SNRNP200: variants seen among roughly 807,000 people sequenced by gnomAD.
SNRNP200 encodes the protein small nuclear ribonucleoprotein U5 subunit 200, also known as U5 small nuclear ribonucleoprotein 200 kDa helicase.
A neutral mutation model predicts 255.2 loss-of-function variants in SNRNP200; 66 were observed. The observed-to-expected ratio is 0.26, with a 90% CI of 0.21 to 0.32. The LOEUF is 0.32. Among genes scored for constraint, SNRNP200 ranks in the 10% least tolerant of loss-of-function variants. The probability of loss-of-function intolerance (pLI) is 1.00; values close to 1 mark genes in which losing one functional copy is unlikely to be tolerated. For missense variants in SNRNP200, 1,585 were observed against 2,749.8 expected, an observed-to-expected ratio of 0.58 and a Z score of 9.47; for synonymous variants, 939 against 1,027.8, an observed-to-expected ratio of 0.91 and a Z score of 1.65.
At position 96,296,623 on chromosome 2, in the gene SNRNP200, G is replaced by A. The variant is rs774926894; in HGVS notation, c.1584C>T (p.Asp528=). ...TGAAGTCATCCACATTGATGGTGCC[G>A]TCCATGTTTATGTGTTTCCCAATCT... ...LREIGKHINM[D]GTINVDDFKI... The change falls in exon 13 of 45, where the codon GAC becomes GAT. Residue 528 remains aspartate (D), a synonymous_variant. Coordinates refer to ENST00000323853, the MANE Select transcript of SNRNP200 (RefSeq NM_014014.5). 9 of 1,614,010 alleles carry A rather than the reference G, an allele frequency of 5.6e-6. 1 individual carries two copies. The highest frequency in any genetic ancestry group is 2.2e-5 in the East Asian group (1 of 44,886).
intron 30 of SNRNP200, chr2:96,284,941 G>T: frequency 1.7e-6 from 1 of 585,042 alleles, no homozygotes; most frequent in Non-Finnish European, 3.1e-6. Context: ...GTAGAGACAG[G>T]GTTTCACCAT....
chr2:96,286,674 G>A lies in SNRNP200; in HGVS notation c.3829+14C>T. On this transcript the variant is annotated intron_variant, in intron 28 of 44. Coordinates refer to ENST00000323853, the MANE Select transcript of SNRNP200 (RefSeq NM_014014.5). This position sits in a 1 kb window ranked among gnomAD's most constrained non-coding sequence, Gnocchi z 4.8. ...AGGGACTGTTCCTGGGGACTCTGGA[G>A]AGGAGACACTCACAGAGCCAGCGGT... The A allele has an allele frequency of 6.2e-7, 1 of 1,612,454 alleles. No homozygotes were observed. Among genetic ancestry groups the A allele is most frequent in the Non-Finnish European group, 8.5e-7 (1 of 1,179,532 alleles).
At chr2:96,289,656 G>A (rs2063870989) in intron 21 of SNRNP200, 143 bp downstream of exon 21, 5 of 810,186 alleles carry the variant, frequency 6.2e-6, no homozygotes, top group Non-Finnish European at 1.1e-5. Flanking sequence ...CAAGTTATGG[G>A]AAAAGCTACC....
At chr2:96,299,046 C>G in intron 6 of SNRNP200, 79 bp from the exon 7 acceptor site, 1 of 1,579,574 alleles carries the variant, frequency 6.3e-7, no homozygotes, top group South Asian at 1.1e-5. Context: ...CAACCAAGTT[C>G]TACTTGACAA....
chr2:96,297,814 C>T, intron 9 of SNRNP200, 94 bp from the exon 10 acceptor site: 1 of 1,298,746 alleles, frequency 7.7e-7, no homozygotes, highest in Non-Finnish European at 1.1e-6. Flanking sequence ...ACTTGAGTCA[C>T]AGGTGCTGAC....
In SNRNP200 at chr2:96,277,361, G is replaced by T; in HGVS notation, c.5932-120C>A. ...ATCAAGTCATCTAGATAAAACAGCT[G>T]CAGAAAGAACACAGCCCACAGTTGG... On this transcript the variant is annotated intron_variant, in intron 41 of 44. Transcript: ENST00000323853. The surrounding 1 kb of genome is among the most constrained non-coding windows in gnomAD (Gnocchi z 4.4). 3 of 1,312,428 alleles carry T rather than the reference G, an allele frequency of 2.3e-6. No homozygotes were observed. Among genetic ancestry groups the T allele is most frequent in the Non-Finnish European group, 3.3e-6 (3 of 914,250 alleles). The allele number at this position is 1,312,428 out of a possible 1,614,324, so 81.3% of individuals were successfully genotyped here. A position where few individuals can be genotyped will look rare whatever the true frequency, so the allele number is the denominator to read the frequency against.
chr2:96,289,843 T>C lies in SNRNP200; in HGVS notation c.2896A>G (p.Lys966Glu), dbSNP rs1427499237. 1 of 1,614,084 alleles carries C rather than the reference T, an allele frequency of 6.2e-7. No homozygotes were observed. The highest frequency in any genetic ancestry group is 8.5e-7 in the Non-Finnish European group (1 of 1,180,038). ...TTGTCGTACTTGACCAGATTGTTCT[T>C]GTCCAGCATCAGGGCAGCTGTATGA... ...LVHTAALMLD[K>E]NNLVKYDKKT... is the part of the protein sequence containing the mutation. The change falls in exon 21 of 45, where the codon AAG becomes GAG. Residue 966 changes from lysine (K) to glutamate (E), a missense_variant. By Grantham distance (56) the Lys-to-Glu change is moderately conservative. This residue lies in a region of SNRNP200 where 719 missense variants were observed against 1,091.1 expected (regional missense o/e 0.66). Coordinates refer to ENST00000323853, the MANE Select transcript of SNRNP200 (RefSeq NM_014014.5).
intron 5 of SNRNP200, 105 bp downstream of exon 5, chr2:96,300,893 A>C: frequency 2.1e-6 from 2 of 973,154 alleles, no homozygotes; most frequent in Non-Finnish European, 3.3e-6. Context: ...ACAACACCAT[A>C]AAATTTATCT....
In SNRNP200 at chr2:96,278,296, T is replaced by G. The variant is rs748608977; in HGVS notation, c.5551A>C (p.Asn1851His). Reference sequence around the variant, plus strand: ...GGAATGTTCTCATACTCTGCTGCATTGGAGATGATCTCGATAAGCCCTCGC... The same window carrying G: ...GGAATGTTCTCATACTCTGCTGCATGGGAGATGATCTCGATAAGCCCTCGC... ...KVRGLIEIIS[N>H]AAEYENIPIR... The change falls in exon 39 of 45, where the codon AAT becomes CAT. Residue 1851 changes from asparagine to histidine, a missense_variant. Physicochemically the swap from Asn to His is moderately conservative, Grantham distance 68 (BLOSUM62 1). Around this residue, in one of 9 missense-constraint regions of SNRNP200, gnomAD observed 279 missense variants for 551.2 expected, o/e 0.51. Transcript: ENST00000323853. This position sits in a 1 kb window ranked among gnomAD's most constrained non-coding sequence, Gnocchi z 6.9. The G allele has an allele frequency of 6.2e-6, 10 of 1,614,202 alleles. No homozygotes were observed. In the Admixed American group the frequency reaches 1.7e-4, roughly 27 times the overall value.
intron 14 of SNRNP200, among the ~76,000 whole-genome samples, chr2:96,293,813 T>C (rs920884080): frequency 2.6e-5 from 4 of 152,234 alleles, no homozygotes; most frequent in African/African-American, 7.2e-5. Flanking sequence ...AAAAAGGATA[T>C]AAATATGATC....
rs1357056840 is a variant in SNRNP200, at chr2:96,295,640, T to C, written c.1690A>G (p.Ile564Val). The change falls in exon 14 of 45, where the codon ATC becomes GTC. Residue 564 changes from isoleucine (I) to valine (V), a missense_variant. Ile to Val is a conservative substitution (Grantham distance 29). Coordinates refer to ENST00000323853, the MANE Select transcript of SNRNP200 (RefSeq NM_014014.5). ...TCCCCAGTCAGTTCAGCAACAGTGATGCCATAAGTGGCCAGGCGCTGTGGG... is the reference window on the plus strand; with the variant it reads ...TCCCCAGTCAGTTCAGCAACAGTGACGCCATAAGTGGCCAGGCGCTGTGGG... ...SFGKRLATYGITVAELTGDHQ... is the reference protein window; with the variant it reads ...SFGKRLATYGVTVAELTGDHQ... 1.9e-6 allele frequency: 3 copies of C among 1,613,842 alleles called. No individual in the cohort carries two copies. The Admixed American group carries it at 5.0e-5, about 27-fold the overall frequency.
At chr2:96,304,908 A>C in intron 1 of SNRNP200, 40 bp from the exon 2 acceptor site, 1 of 1,600,876 alleles carries the variant, frequency 6.2e-7, no homozygotes, top group South Asian at 1.1e-5. Context: ...TGACATGAGC[A>C]GGGCCAATTC....
intron 3 of SNRNP200, 24 bp downstream of exon 3, chr2:96,303,135 T>C (rs758682475): frequency 1.6e-5 from 26 of 1,611,084 alleles, no homozygotes; most frequent in Non-Finnish European, 2.1e-5. Flanking sequence ...AGACCTAATA[T>C]ATATTTCACA....
In SNRNP200 at chr2:96,288,648, C is replaced by A; in HGVS notation, c.3258+15G>T. The A allele has an allele frequency of 6.2e-7, 1 of 1,611,604 alleles. No homozygotes were observed. ...CAGGCCCCTTCTCACAGCTGCCATA[C>A]AACTCCGCTCTCACCTGTGTGACAT... On this transcript the variant is annotated intron_variant, in intron 24 of 44. Transcript: ENST00000323853.
At chr2:96,284,866 C>A in intron 30 of SNRNP200, 1 of 530,574 alleles carries the variant, frequency 1.9e-6, no homozygotes, top group Non-Finnish European at 3.4e-6. Flanking sequence ...TCTCCTGCCT[C>A]AGCCTTCCAA....
Position 96,285,201 on chromosome 2 carries a change from G to C in SNRNP200, c.4143C>G (p.Pro1381=), listed in dbSNP as rs1415548359. The part of the protein sequence containing the change: ...SSEGRCVYIT[P]MEALAEQVYM... ...ATACCTGCTCTGCCAGGGCCTCCAT[G>C]GGGGTGATGTACACACAGCGCCCCT... Residue 1381 remains proline (P), a synonymous_variant, in exon 30 of 45, where the codon CCC becomes CCG. Coordinates refer to ENST00000323853, the MANE Select transcript of SNRNP200 (RefSeq NM_014014.5). The C allele has an allele frequency of 6.2e-7, 1 of 1,614,062 alleles. No individual in the cohort carries two copies. The highest frequency in any genetic ancestry group is 1.3e-5 in the African/African-American group (1 of 74,948).
At chr2:96,300,879 C>G (rs1162713330) in intron 5 of SNRNP200, 119 bp downstream of exon 5, 1 of 840,522 alleles carries the variant, frequency 1.2e-6, no homozygotes, top group Non-Finnish European at 2.0e-6. Flanking sequence ...AGTCTGAAAC[C>G]CATACAACAC....
intron 21 of SNRNP200, 145 bp downstream of exon 21, chr2:96,289,654 G>T (rs2063870972): frequency 1.3e-6 from 1 of 797,662 alleles, no homozygotes; most frequent in Non-Finnish European, 2.2e-6. Context: ...CTCAAGTTAT[G>T]GGAAAAGCTA....
rs868196932 is a variant in SNRNP200 at position 96,289,794 on chromosome 2, C to T, written c.2940+5G>A. 19 of 1,613,730 alleles carry T rather than the reference C, an allele frequency of 1.2e-5. No individual in the cohort carries two copies. The highest frequency in any genetic ancestry group is 5.0e-5 in the Admixed American group (3 of 60,004). The stretch of plus-strand genomic sequence containing the variant: ...CCTTTGCCTCAAAACCCTCACCCCA[C>T]GCACCTGGAAGTTGCCCGTCTTCTT... On this transcript the variant is annotated splice_donor_5th_base_variant and intron_variant, in intron 21 of 44. Transcript: ENST00000323853.
Sources: gnomAD v4.1 joint callset for allele counts (sites outside exome capture counted in the v4.1 genomes callset) on GRCh38, gnomAD v4.1.1 for gene constraint, gnomAD v4.1.1 regional missense constraint, Gnocchi (gnomAD v3.1) non-coding constraint, MANE v1.5 for transcripts, NCBI Gene and HGNC (gene_info 2026-07-23, HGNC 2026-07-21) for gene names.